Variants in BACH2 observed in about 807,000 individuals in gnomAD.
BACH2 encodes BACH transcriptional regulator 2, also known as transcription regulator protein BACH2.
In BACH2, 5 loss-of-function variants were observed where a neutral mutation model predicts 61.8. The ratio of observed to expected loss-of-function variants is 0.08; its 90% CI spans 0.04 to 0.17. The LOEUF (loss-of-function observed/expected upper bound fraction) is 0.17. Among genes scored for constraint, BACH2 ranks in the 10% least tolerant of loss-of-function variants. BACH2 has a pLI of 1.00. For missense variants in BACH2, 824 were observed against 1,091.1 expected, an observed-to-expected ratio of 0.76 and a Z score of 3.45; for synonymous variants, 446 against 440.1, an observed-to-expected ratio of 1.01 and a Z score of -0.17.
intron 5 of BACH2, among the ~76,000 whole-genome samples, chr6:90,030,898 C>T (rs1178778546): frequency 6.7e-6 from 1 of 148,886 alleles, no homozygotes; most frequent in Admixed American, 6.6e-5. Flanking sequence ...AGAGACACAA[C>T]AAAAAAAGAG....
At chr6:90,137,070 T>A (rs995125867) in intron 4 of BACH2, among the ~76,000 whole-genome samples, 2 of 152,076 alleles carry the variant, frequency 1.3e-5, no homozygotes, top group African/African-American at 4.8e-5. Flanking sequence ...TAAAAAAAAA[T>A]GTCTGTTCCA....
At chr6:90,156,112 A>G (rs770252530) in intron 4 of BACH2, among the ~76,000 whole-genome samples, 13 of 152,292 alleles carry the variant, frequency 8.5e-5, no homozygotes, top group African/African-American at 2.6e-4. Context: ...CCTAATCCCA[A>G]TGTGCATGGG....
intron 4 of BACH2, among the ~76,000 whole-genome samples, chr6:90,100,702 G>GACACACACATACACACAC (rs1190617375): frequency 1.6e-5 from 1 of 64,250 alleles, no homozygotes. Flanking sequence ...CACACACACA[G>GACACACACATACACACAC]ACACACACAC....
At chr6:90,276,275 T>C (rs1195976312) in intron 1 of BACH2, among the ~76,000 whole-genome samples, 1 of 152,074 alleles carries the variant, frequency 6.6e-6, no homozygotes, top group African/African-American at 2.4e-5. Flanking sequence ...AGTATGAGAG[T>C]ATTTATTCAC....
intron 4 of BACH2, among the ~76,000 whole-genome samples, chr6:90,203,536 G>C (rs1769031413): frequency 6.6e-6 from 1 of 152,070 alleles, no homozygotes; most frequent in African/African-American, 2.4e-5. Flanking sequence ...TGAGGGTTTG[G>C]GAGAATGCAC....
chr6:90,076,212 C>T (rs533897988), intron 5 of BACH2, among the ~76,000 whole-genome samples: 254 of 152,028 alleles, frequency 1.7e-3, no homozygotes, highest in African/African-American at 5.5e-3. Context: ...TTTAAAGACA[C>T]GTAAAGGAAG....
chr6:89,951,896 C>A lies in BACH2; in HGVS notation c.244-34G>T, dbSNP rs1774152207. On this transcript the variant is annotated intron_variant, in intron 6 of 8. Transcript: ENST00000257749. This position sits in a 1 kb window ranked among gnomAD's most constrained non-coding sequence, Gnocchi z 6.4. ...CAAACAGGGAAATCGCCAACATTAC[C>A]ATCAGCACTGCTATTGTCCCGAATC... The A allele has an allele frequency of 1.3e-6, 2 of 1,593,124 alleles. No individual in the cohort carries two copies. Among genetic ancestry groups the A allele is most frequent in the Admixed American group, 1.7e-5 (1 of 59,196 alleles).
chr6:90,008,360 C>A lies in BACH2; in HGVS notation c.243+242G>T. On this transcript the variant is annotated intron_variant, in intron 6 of 8. Transcript: ENST00000257749. The surrounding 1 kb of genome is among the most constrained non-coding windows in gnomAD (Gnocchi z 4.1). ...ACCTGAAGGGTAAGTGAACTAGAAACTACAAGTGACTGAGCCACAGGTGAG... is the reference window on the plus strand; with the variant it reads ...ACCTGAAGGGTAAGTGAACTAGAAAATACAAGTGACTGAGCCACAGGTGAG... 3.5e-6 allele frequency: 2 copies of A among 567,266 alleles called. No homozygotes were observed. Among genetic ancestry groups the A allele is most frequent in the Admixed American group, 3.1e-5 (1 of 32,416 alleles). The allele number at this position is 567,266 out of a possible 1,614,324, so 35.1% of individuals were successfully genotyped here. A position where few individuals can be genotyped will look rare whatever the true frequency, so the allele number is the denominator to read the frequency against.
At chr6:89,948,985 T>C (rs1424541466) in intron 7 of BACH2, among the ~76,000 whole-genome samples, 2 of 152,194 alleles carry the variant, frequency 1.3e-5, no homozygotes, top group African/African-American at 4.8e-5. Flanking sequence ...CCACAGGGCA[T>C]TTTTGCAGTT....
chr6:90,007,807 T>C (rs1777491547), intron 6 of BACH2, among the ~76,000 whole-genome samples: 1 of 152,182 alleles, frequency 6.6e-6, no homozygotes, highest in South Asian at 2.1e-4. Flanking sequence ...GCCCAAGAGA[T>C]GCACACCGCG....
intron 3 of BACH2, among the ~76,000 whole-genome samples, chr6:90,211,706 C>G (rs1209134802): frequency 6.6e-6 from 1 of 151,784 alleles, no homozygotes; most frequent in Non-Finnish European, 1.5e-5. Context: ...GCTTTTCTCC[C>G]CACTCCAACT....
chr6:90,185,939 T>A (rs1768341440), intron 4 of BACH2, among the ~76,000 whole-genome samples: 1 of 152,238 alleles, frequency 6.6e-6, no homozygotes, highest in Admixed American at 6.5e-5. Flanking sequence ...GTGTTACTGA[T>A]GCTTGGACAG....
At chr6:90,104,768 T>C (rs1223003101) in intron 4 of BACH2, among the ~76,000 whole-genome samples, 2 of 152,256 alleles carry the variant, frequency 1.3e-5, no homozygotes, top group East Asian at 1.9e-4. Context: ...ATCTTGGACA[T>C]GTGGGCTGGG....
chr6:89,958,200 C>T (rs777655014), intron 6 of BACH2, among the ~76,000 whole-genome samples: 9 of 152,096 alleles, frequency 5.9e-5, no homozygotes, highest in Non-Finnish European at 1.3e-4. Flanking sequence ...AGGCTGGCCT[C>T]GAACTCCTGG....
At chr6:90,219,460 C>T (rs1015441319) in intron 3 of BACH2, among the ~76,000 whole-genome samples, 2 of 152,186 alleles carry the variant, frequency 1.3e-5, no homozygotes, top group African/African-American at 2.4e-5. Flanking sequence ...CTCTCTTTTC[C>T]GCTCTTCTCT....
intron 5 of BACH2, among the ~76,000 whole-genome samples, chr6:90,030,353 C>T (rs1225569287): frequency 2.0e-5 from 3 of 152,086 alleles, no homozygotes; most frequent in Middle Eastern, 3.4e-3. Context: ...CTCTGGAAGG[C>T]CTGGGTTTGA....
At chr6:90,201,615 C>T (rs555816672) in intron 4 of BACH2, among the ~76,000 whole-genome samples, 1 of 152,120 alleles carries the variant, frequency 6.6e-6, no homozygotes, top group Admixed American at 6.5e-5. Flanking sequence ...TGTCTTTTAT[C>T]TTTCAGAATA....
rs569001299 is a variant in BACH2 at position 89,927,608 on chromosome 6, G to A, written c.*4800C>T. The A allele has an allele frequency of 5.2e-5, 8 of 152,908 alleles. No individual in the cohort carries two copies. The highest frequency in any genetic ancestry group is 1.9e-4 in the East Asian group (1 of 5,330). 9.5% of individuals were successfully genotyped at this position (152,908 alleles called of 1,614,324 possible). A position where few individuals can be genotyped will look rare whatever the true frequency, so the allele number is the denominator to read the frequency against. ...TGCTTGACAGCAAAATGCATACACC[G>A]TGTCACAACATTAAATCAAAGCTAT... On this transcript the variant is annotated 3_prime_UTR_variant, in exon 9 of 9. Transcript: ENST00000257749.
At chr6:89,961,413 A>G (rs1774737407) in intron 6 of BACH2, among the ~76,000 whole-genome samples, 2 of 152,190 alleles carry the variant, frequency 1.3e-5, no homozygotes, top group African/African-American at 4.8e-5. Context: ...ACTGCCTCCA[A>G]AAGAAAATTA....
Sources: gnomAD v4.1 joint callset for allele counts (sites outside exome capture counted in the v4.1 genomes callset) on GRCh38, gnomAD v4.1.1 for gene constraint, Gnocchi (gnomAD v3.1) non-coding constraint, MANE v1.5 for transcripts, NCBI Gene and HGNC (gene_info 2026-07-23, HGNC 2026-07-21) for gene names.